Variants in PLD2 observed in about 807,000 individuals in gnomAD.
PLD2 encodes phospholipase D2, also known as choline phosphatase 2.
PLD2 carries 101 observed loss-of-function variants against 119.8 expected under a neutral mutation model. That is an observed-to-expected ratio of 0.84 (90% CI 0.72 to 0.99). PLD2 has a LOEUF of 0.99. Among genes scored for constraint, PLD2 ranks in the 50% least tolerant of loss-of-function variants. The pLI is 0.00. For synonymous variants in PLD2, 494 were observed against 482.8 expected, an observed-to-expected ratio of 1.02 and a Z score of -0.30; for missense variants, 1,164 against 1,226.8, an observed-to-expected ratio of 0.95 and a Z score of 0.76.
At position 4,809,087 on chromosome 17, in the gene PLD2, A is replaced by G. The variant is rs111648027; in HGVS notation, c.384-13A>G. The stretch of plus-strand genomic sequence containing the variant: ...CCCAGCTCTTACCTGACCTTCATCC[A>G]TCCTTTCCACAGATTTGCCGTTGCC... On this transcript the variant is annotated splice_polypyrimidine_tract_variant and intron_variant, in intron 4 of 24. Transcript: ENST00000263088. 5,998 of 1,605,592 alleles carry G rather than the reference A, an allele frequency of 3.7e-3. 208 individuals are homozygous for G. The African/African-American group carries it at 0.07, about 19-fold the overall frequency.
chr17:4,823,056 C>T lies in PLD2; in HGVS notation c.*192C>T. On this transcript the variant is annotated 3_prime_UTR_variant, in exon 25 of 25. Coordinates refer to ENST00000263088, the MANE Select transcript of PLD2 (RefSeq NM_002663.5). ...TGAAAAGGGCACTCCCAACCCTGGGCTGGGGAGGAGGAGAGAGTCCCAGAG... is the reference window on the plus strand; with the variant it reads ...TGAAAAGGGCACTCCCAACCCTGGGTTGGGGAGGAGGAGAGAGTCCCAGAG... 1 of 570,716 alleles carries T rather than the reference C, an allele frequency of 1.8e-6. No individual in the cohort carries two copies. Among genetic ancestry groups the T allele is most frequent in the Non-Finnish European group, 3.1e-6 (1 of 320,146 alleles). The allele number at this position is 570,716 out of a possible 1,614,324, so 35.4% of individuals were successfully genotyped here.
At position 4,819,228 on chromosome 17, in the gene PLD2, G is replaced by A. The variant is rs374243750; in HGVS notation, c.2308+10G>A. On this transcript the variant is annotated intron_variant, in intron 22 of 24. Transcript: ENST00000263088. The surrounding 1 kb of genome is among the most constrained non-coding windows in gnomAD (Gnocchi z 4.2). Reference sequence around the variant, plus strand: ...CGGACAGTCATCATTGGTCAGTGCCGGATCTAGTCCTCTGGCAGGGAGAGG... The same window carrying A: ...CGGACAGTCATCATTGGTCAGTGCCAGATCTAGTCCTCTGGCAGGGAGAGG... The A allele has an allele frequency of 5.3e-5, 85 of 1,613,568 alleles. No homozygotes were observed. The Admixed American group carries it at 8.8e-4, about 17-fold the overall frequency.
Position 4,809,421 on chromosome 17 carries a change from A to G in PLD2, c.555+58A>G, listed in dbSNP as rs1906206218. ...CAGGATTATCAGACCCTCGGGGAGG[A>G]GGGCCAGGGGCCCCAGGGTCTGAGG... is the stretch of plus-strand genomic sequence containing the variant. On this transcript the variant is annotated intron_variant, in intron 6 of 24. Transcript: ENST00000263088. 3 of 1,611,442 alleles carry G rather than the reference A, an allele frequency of 1.9e-6. No individual in the cohort carries two copies. The South Asian group carries it at 3.3e-5, about 18-fold the overall frequency.
intron 23 of PLD2, among the ~76,000 whole-genome samples, chr17:4,820,378 C>T (rs1319087581): frequency 6.6e-6 from 1 of 151,244 alleles, no homozygotes; most frequent in Non-Finnish European, 1.5e-5. Flanking sequence ...AGCAATTCTT[C>T]TGCCTCAGCC....
intron 17 of PLD2, among the ~76,000 whole-genome samples, chr17:4,817,761 A>G (rs1907165253): frequency 6.6e-6 from 1 of 151,004 alleles, no homozygotes; most frequent in East Asian, 2.0e-4. Flanking sequence ...GAGCAAGACC[A>G]TCCTGGCTAA....
In PLD2 at chr17:4,819,675, G is replaced by T. The variant is rs531684206; in HGVS notation, c.2462+93G>T. On this transcript the variant is annotated intron_variant, in intron 23 of 24. Transcript: ENST00000263088. The surrounding 1 kb of genome is among the most constrained non-coding windows in gnomAD (Gnocchi z 4.2). ...GAGGTAGCACCGCATAGGTACTCCC[G>T]GAGCCAGAGGTAGAGGCAGTACTAG... 2.9e-5 allele frequency: 35 copies of T among 1,220,960 alleles called. No individual in the cohort carries two copies. Among genetic ancestry groups the T allele is most frequent in the Non-Finnish European group, 4.0e-5 (35 of 878,322 alleles). 75.6% of individuals were successfully genotyped at this position (1,220,960 alleles called of 1,614,324 possible). A position where few individuals can be genotyped will look rare whatever the true frequency, so the allele number is the denominator to read the frequency against.
Position 4,819,122 on chromosome 17 carries a change from C to G in PLD2, c.2212C>G (p.Leu738Val). ...GCGGGACTATATTTCCATCTGCGGG[C>G]TTCGTACACACGGAGAGCTGGGCGG... ...AWRDYISICG[L>V]RTHGELGGHP... is the part of the protein sequence containing the mutation. Residue 738 changes from leucine to valine, a missense_variant, in exon 22 of 25, where the codon CTT (leucine) becomes GTT (valine). Physicochemically the swap from Leu to Val is conservative, Grantham distance 32. Coordinates refer to ENST00000263088, the MANE Select transcript of PLD2 (RefSeq NM_002663.5). This position sits in a 1 kb window ranked among gnomAD's most constrained non-coding sequence, Gnocchi z 4.2. 6.2e-7 allele frequency: 1 copy of G among 1,614,186 alleles called. No homozygotes were observed. Among genetic ancestry groups the G allele is most frequent in the Non-Finnish European group, 8.5e-7 (1 of 1,180,034 alleles).
In PLD2 at chr17:4,808,459, C is replaced by G; in HGVS notation, c.383+43C>G. 6.3e-7 allele frequency: 1 copy of G among 1,592,486 alleles called. No homozygotes were observed. The highest frequency in any genetic ancestry group is 8.6e-7 in the Non-Finnish European group (1 of 1,166,126). ...GCTTCCTGTAGAGGGCAGGTGCTCC[C>G]CACCCTCCTTTCTGTCTGTCTCACC... On this transcript the variant is annotated intron_variant, in intron 4 of 24. Coordinates refer to ENST00000263088, the MANE Select transcript of PLD2 (RefSeq NM_002663.5). The surrounding 1 kb of genome is among the most constrained non-coding windows in gnomAD (Gnocchi z 4.1).
Position 4,808,081 on chromosome 17 carries a change from G to A in PLD2, c.207G>A (p.Val69=), listed in dbSNP as rs1292521838. The A allele has an allele frequency of 6.2e-7, 1 of 1,612,142 alleles. No homozygotes were observed. The highest frequency in any genetic ancestry group is 1.7e-5 in the Admixed American group (1 of 59,958). Residue 69 remains valine (V), a synonymous_variant, in exon 3 of 25, where the codon GTG becomes GTA. Coordinates refer to ENST00000263088, the MANE Select transcript of PLD2 (RefSeq NM_002663.5). This position sits in a 1 kb window ranked among gnomAD's most constrained non-coding sequence, Gnocchi z 4.1. Reference sequence around the variant, plus strand: ...CTGGGGTCCCTGTCACAGCCCAGGTGGTGGGCACCGAAAGATATACCAGCG... The same window carrying A: ...CTGGGGTCCCTGTCACAGCCCAGGTAGTGGGCACCGAAAGATATACCAGCG... ...FAPGVPVTAQ[V]VGTERYTSGS...
chr17:4,810,272 T>C (rs1296324853), intron 9 of PLD2, among the ~76,000 whole-genome samples: 1 of 152,196 alleles, frequency 6.6e-6, no homozygotes, highest in Non-Finnish European at 1.5e-5. Flanking sequence ...AAATTCCATT[T>C]GTTCATTTGT....
rs774811005 is a variant in PLD2, at chr17:4,816,986, G to A, written c.1632G>A (p.Gly544=). 124 of 1,613,954 alleles carry A rather than the reference G, an allele frequency of 7.7e-5. No homozygotes were observed. Among genetic ancestry groups the A allele is most frequent in the Non-Finnish European group, 1.0e-4 (123 of 1,179,986 alleles). The change falls in exon 16 of 25, where the codon GGG becomes GGA. Residue 544 remains glycine (G), a synonymous_variant. Coordinates refer to ENST00000263088, the MANE Select transcript of PLD2 (RefSeq NM_002663.5). ...TTPRMPWRDV[G]VVVHGLPARD... is the part of the protein sequence containing the mutation. ...CTCGGATGCCATGGCGGGACGTTGG[G>A]GTGGTCGTCCATGGCCTACCGGCCC...
At chr17:4,812,550 C>T (rs1906588245) in intron 10 of PLD2, among the ~76,000 whole-genome samples, 1 of 152,052 alleles carries the variant, frequency 6.6e-6, no homozygotes, top group Non-Finnish European at 1.5e-5. Context: ...ACCTCGGCCT[C>T]CCAAAGTGCT....
chr17:4,817,518 C>G (rs942501645), intron 17 of PLD2: 1 of 474,262 alleles, frequency 2.1e-6, no homozygotes, highest in Admixed American at 3.4e-5. Context: ...AAAAATTAGC[C>G]GGGCGTGGTG....
At chr17:4,816,101 G>T (rs1225811254) in intron 14 of PLD2, among the ~76,000 whole-genome samples, 167 bp downstream of exon 14, 1 of 152,144 alleles carries the variant, frequency 6.6e-6, no homozygotes, top group Non-Finnish European at 1.5e-5. Flanking sequence ...GCTGTAACTG[G>T]CCGGGAGCCA....
chr17:4,810,789 C>T lies in PLD2; in HGVS notation c.861-13C>T, dbSNP rs751987612. 6.9e-6 allele frequency: 11 copies of T among 1,604,444 alleles called. No individual in the cohort carries two copies. Among genetic ancestry groups the T allele is most frequent in the East Asian group, 2.2e-5 (1 of 44,720 alleles). On this transcript the variant is annotated splice_polypyrimidine_tract_variant and intron_variant, in intron 9 of 24. Transcript: ENST00000263088. ...GGGCGAGGATTTATGGACATCTCAT[C>T]GTTCCCATCCAGGTCCTTGATTCTC...
chr17:4,810,054 C>T (rs752863026), intron 9 of PLD2, 25 bp downstream of exon 9: 15 of 1,610,072 alleles, frequency 9.3e-6, no homozygotes, highest in Non-Finnish European at 1.2e-5. Flanking sequence ...GGGTGAGAGA[C>T]ACCAGCTGAG....
At chr17:4,814,113 TGCTCATTTTTCAGTTG>T (rs1222467604) in intron 10 of PLD2, 33 of 284,802 alleles carry the variant, frequency 1.2e-4, no homozygotes, top group African/African-American at 7.0e-4. Flanking sequence ...TCTTACTCTT[TGCTCATTTTTCAGTTG>T]GCTCATGTGA....
chr17:4,812,023 G>A (rs1046930593), intron 10 of PLD2, among the ~76,000 whole-genome samples: 3 of 150,440 alleles, frequency 2.0e-5, no homozygotes, highest in African/African-American at 4.9e-5. Flanking sequence ...AAAATTAGAC[G>A]GGTGTGGTCT....
At position 4,816,728 on chromosome 17, in the gene PLD2, C is replaced by T. The variant is rs780304091; in HGVS notation, c.1564C>T (p.Leu522=). 3.1e-6 allele frequency: 5 copies of T among 1,614,066 alleles called. No homozygotes were observed. Among genetic ancestry groups the T allele is most frequent in the Admixed American group, 1.7e-5 (1 of 59,986 alleles). Residue 522 remains leucine (L), a synonymous_variant, in exon 15 of 25, where the codon CTG becomes TTG. Coordinates refer to ENST00000263088, the MANE Select transcript of PLD2 (RefSeq NM_002663.5). ...TCTTATCACCAAGGACTGGGTGCAG[C>T]TGGACCGGCCTTTCGAAGGTGAAGC... ...SNLITKDWVQ[L]DRPFEDFIDR...
Sources: allele counts gnomAD v4.1 joint callset (sites outside exome capture counted in the v4.1 genomes callset), GRCh38; gene constraint gnomAD v4.1.1; non-coding constraint Gnocchi (gnomAD v3.1); transcripts MANE v1.5; gene names NCBI Gene and HGNC (gene_info 2026-07-23, HGNC 2026-07-21).